The following NIPBL variants were observed in gnomAD, a reference collection of about 807,000 sequenced individuals.
NIPBL encodes the protein nipped-B-like protein.
Under a neutral mutation model 321.8 loss-of-function variants are expected in NIPBL, and 19 were observed. That is an observed-to-expected ratio of 0.06 (90% CI 0.04 to 0.09). The LOEUF is 0.09. Ranked by LOEUF, NIPBL falls within the 10% of genes least tolerant of loss-of-function variation. The pLI, the probability that NIPBL is intolerant of heterozygous loss-of-function variation, is 1.00. For synonymous variants in NIPBL, 1,106 were observed against 1,114.1 expected (o/e 0.99, Z 0.14); for missense variants, 2,210 against 3,327.0 (o/e 0.66, Z 8.26).
chr5:36,886,092 C>T (rs552376083), intron 1 of NIPBL: 5 of 686,832 alleles, frequency 7.3e-6, no homozygotes, highest in African/African-American at 1.7e-5. Context: ...ATGACACTCA[C>T]GGAGCTGAGA....
intron 10 of NIPBL, among the ~76,000 whole-genome samples, chr5:36,992,072 T>C (rs1218747843): frequency 1.3e-5 from 2 of 152,160 alleles, no homozygotes; most frequent in East Asian, 3.9e-4. Flanking sequence ...AAATGTATTC[T>C]TTAGCCATAT....
intron 35 of NIPBL, 49 bp from the exon 36 acceptor site, chr5:37,044,587 A>G: frequency 6.3e-7 from 1 of 1,575,512 alleles, no homozygotes; most frequent in Non-Finnish European, 8.7e-7. Flanking sequence ...CTAAGTTTTT[A>G]AAATAGTATA....
At chr5:36,938,452 A>C (rs1426669630) in intron 1 of NIPBL, among the ~76,000 whole-genome samples, 1 of 152,140 alleles carries the variant, frequency 6.6e-6, no homozygotes, top group East Asian at 1.9e-4. Context: ...AATCTGGTTA[A>C]AGATTATGGT....
At chr5:37,021,021 G>A (rs781255314) in intron 27 of NIPBL, 144 bp downstream of exon 27, 13 of 737,116 alleles carry the variant, frequency 1.8e-5, no homozygotes, top group South Asian at 3.0e-5. Context: ...TTCTCCGGCC[G>A]GGTGTAGTGG....
At chr5:36,933,757 T>A (rs1008145072) in intron 1 of NIPBL, among the ~76,000 whole-genome samples, 2 of 152,136 alleles carry the variant, frequency 1.3e-5, no homozygotes, top group Non-Finnish European at 2.9e-5. Flanking sequence ...TCTTCCTTGC[T>A]CCTTCATCAA....
In NIPBL at chr5:37,041,706, A is replaced by G. The variant is rs567929401; in HGVS notation, c.6109-2641A>G. Among the ~76,000 whole-genome samples the G allele has an allele frequency of 1.6e-3, 242 of 152,000 alleles. 3 individuals carry two copies. Among genetic ancestry groups the G allele is most frequent in the African/African-American group, 5.7e-3 (236 of 41,474 alleles). On this transcript the variant is annotated intron_variant, in intron 34 of 46. Transcript: ENST00000282516. ...GCCACCCAAGTAGCTGGGATTTTAC[A>G]GGTGTGCACCACCACACCCGGCTAA...
Position 36,923,985 on chromosome 5 carries a change from A to G in NIPBL, c.-79-29633A>G, listed in dbSNP as rs909087274. On this transcript the variant is annotated intron_variant, in intron 1 of 46. Transcript: ENST00000282516. ...TTATCTGTATTCTACTAATTGTCCT[A>G]TAGATGACATTGTTATAATTTGTTC... is the stretch of plus-strand genomic sequence containing the variant. Among the ~76,000 whole-genome samples, 6 of 152,292 alleles carry G rather than the reference A, an allele frequency of 3.9e-5. 1 individual carries two copies. Among genetic ancestry groups the G allele is most frequent in the Non-Finnish European group, 7.4e-5 (5 of 68,000 alleles).
At chr5:36,904,136 T>G (rs536663072) in intron 1 of NIPBL, among the ~76,000 whole-genome samples, 2 of 152,326 alleles carry the variant, frequency 1.3e-5, no homozygotes, top group East Asian at 3.9e-4. Context: ...TGAATTTTAT[T>G]AAATATTTAG....
chr5:36,887,204 G>A (rs945689529), intron 1 of NIPBL, among the ~76,000 whole-genome samples: 1 of 152,012 alleles, frequency 6.6e-6, no homozygotes, highest in Non-Finnish European at 1.5e-5. Flanking sequence ...TCTCTACCAA[G>A]CATGTGAAAT....
intron 21 of NIPBL, among the ~76,000 whole-genome samples, 179 bp from the exon 22 acceptor site, chr5:37,014,504 A>G (rs577944298): frequency 6.6e-6 from 1 of 152,194 alleles, no homozygotes; most frequent in Non-Finnish European, 1.5e-5. Context: ...ATTTGTTTCT[A>G]TAAAGTTTTA....
chr5:37,044,849 G>A (rs1048153997), intron 36 of NIPBL, 120 bp downstream of exon 36: 8 of 729,758 alleles, frequency 1.1e-5, no homozygotes, highest in African/African-American at 7.1e-5. Flanking sequence ...ATTATCCACC[G>A]TGGTCCTCTC....
intron 30 of NIPBL, among the ~76,000 whole-genome samples, chr5:37,025,257 T>C (rs1750126166): frequency 1.3e-5 from 2 of 152,168 alleles, no homozygotes; most frequent in South Asian, 2.1e-4. Flanking sequence ...TCTCAAAAAA[T>C]GTGCATGTGT....
intron 35 of NIPBL, 69 bp downstream of exon 35, chr5:37,044,556 A>T: frequency 6.3e-7 from 1 of 1,581,122 alleles, no homozygotes; most frequent in Non-Finnish European, 8.6e-7. Context: ...TAAAATTTTT[A>T]AAGCAAATAT....
chr5:36,901,995 C>T (rs1396481133), intron 1 of NIPBL, among the ~76,000 whole-genome samples: 1 of 152,076 alleles, frequency 6.6e-6, no homozygotes, highest in Non-Finnish European at 1.5e-5. Flanking sequence ...ATTTGCATTT[C>T]TCTAATGATT....
At chr5:36,878,198 C>T (rs1253695427) in intron 1 of NIPBL, among the ~76,000 whole-genome samples, 1 of 152,128 alleles carries the variant, frequency 6.6e-6, no homozygotes, top group Non-Finnish European at 1.5e-5. Context: ...GTAGAAGGTG[C>T]CATCCTTTTA....
At chr5:36,938,106 T>A (rs1471279311) in intron 1 of NIPBL, among the ~76,000 whole-genome samples, 2 of 152,122 alleles carry the variant, frequency 1.3e-5, no homozygotes, top group Non-Finnish European at 2.9e-5. Context: ...AGGACTTACT[T>A]TGGTTTTAGT....
chr5:36,930,054 A>C (rs1017920533), intron 1 of NIPBL, among the ~76,000 whole-genome samples: 1 of 151,950 alleles, frequency 6.6e-6, no homozygotes, highest in African/African-American at 2.4e-5. Context: ...TATTTTGGCT[A>C]TTCTAGATCC....
At position 36,908,106 on chromosome 5, in the gene NIPBL, C is replaced by G. The variant is rs113278066; in HGVS notation, c.-80+30928C>G. ...AGGTAATGTGATTAACACAAAGATT[C>G]ATAAATATTTAATGGCAATAGAATA... On this transcript the variant is annotated intron_variant, in intron 1 of 46. Transcript: ENST00000282516. Among the ~76,000 whole-genome samples the G allele has an allele frequency of 2.6e-4, 40 of 152,252 alleles. 1 individual carries two copies. Among genetic ancestry groups the G allele is most frequent in the African/African-American group, 9.6e-4 (40 of 41,558 alleles).
chr5:36,985,627 G>A lies in NIPBL; in HGVS notation c.2447G>A (p.Arg816His), dbSNP rs80358359. Residue 816 changes from arginine to histidine, a missense_variant, in exon 10 of 47, where the codon CGT becomes CAT. Transcript: ENST00000282516. ...DGRSVSESLR[R>H]DHDNKQKSDD... is the part of the protein sequence containing the mutation. ...CGATCTGTTTCTGAGTCACTAAGACGTGACCATGATAATAAACAAAAATCA... is the reference window on the plus strand; with the variant it reads ...CGATCTGTTTCTGAGTCACTAAGACATGACCATGATAATAAACAAAAATCA... 452 of 1,613,918 alleles carry A rather than the reference G, an allele frequency of 2.8e-4. 1 individual carries two copies. The highest frequency in any genetic ancestry group is 1.2e-3 in the Middle Eastern group (7 of 6,062).
Sources: gnomAD v4.1 joint callset for allele counts (sites outside exome capture counted in the v4.1 genomes callset) on GRCh38, gnomAD v4.1.1 for gene constraint, MANE v1.5 for transcripts, NCBI Gene and HGNC (gene_info 2026-07-23, HGNC 2026-07-21) for gene names.